TANC2: variants seen among roughly 807,000 people sequenced by gnomAD.
TANC2 encodes protein TANC2.
In TANC2, 26 loss-of-function variants were observed where a neutral mutation model predicts 210.5. That is an observed-to-expected ratio of 0.12 (90% CI 0.09 to 0.17). The LOEUF is 0.17. TANC2 is among the 10% of genes least tolerant of loss of function. The pLI is 1.00. For missense variants in TANC2, 2,129 were observed against 2,608.9 expected (o/e 0.82, Z 4.01); for synonymous variants, 931 against 967.1 (o/e 0.96, Z 0.69).
chr17:63,291,616 G>A (rs1193542838), intron 9 of TANC2, among the ~76,000 whole-genome samples: 1 of 152,160 alleles, frequency 6.6e-6, no homozygotes, highest in Non-Finnish European at 1.5e-5. Flanking sequence ...AAAGAAATGT[G>A]AGAGATGCAA....
At chr17:63,032,670 A>G (rs894222424) in intron 2 of TANC2, among the ~76,000 whole-genome samples, 5 of 152,188 alleles carry the variant, frequency 3.3e-5, no homozygotes, top group African/African-American at 7.2e-5. Flanking sequence ...AGTGCTTGCT[A>G]GAGCTACTGG....
At chr17:63,031,185 G>C (rs921643096) in intron 2 of TANC2, among the ~76,000 whole-genome samples, 2 of 152,098 alleles carry the variant, frequency 1.3e-5, no homozygotes, top group African/African-American at 2.4e-5. Flanking sequence ...TGGAATAGGA[G>C]TGGATGGGAG....
chr17:63,230,853 T>C (rs1165949641), intron 7 of TANC2, among the ~76,000 whole-genome samples: 3 of 152,194 alleles, frequency 2.0e-5, no homozygotes, highest in African/African-American at 4.8e-5. Flanking sequence ...CTGTCTAATA[T>C]TGACATTGGG....
chr17:63,090,440 C>G (rs907412190), intron 3 of TANC2, among the ~76,000 whole-genome samples: 1 of 151,992 alleles, frequency 6.6e-6, no homozygotes. Flanking sequence ...TCAGTTCCCA[C>G]CTATGAGTGA....
exon 4 of TANC2, chr17:63,099,357 G>A (rs928464359): frequency 6.6e-7 from 1 of 1,508,016 alleles, no homozygotes; most frequent in African/African-American, 1.4e-5. Flanking sequence ...GAAGTTAACT[G>A]GTAAGGACTT....
intron 4 of TANC2, among the ~76,000 whole-genome samples, chr17:63,126,805 T>A (rs2038727317): frequency 6.6e-6 from 1 of 152,202 alleles, no homozygotes; most frequent in Non-Finnish European, 1.5e-5. Context: ...CAACTGAGGC[T>A]AGAAGTAAGT....
At chr17:63,308,007 T>C (rs2044982368) in intron 9 of TANC2, among the ~76,000 whole-genome samples, 1 of 152,138 alleles carries the variant, frequency 6.6e-6, no homozygotes, top group Non-Finnish European at 1.5e-5. Context: ...CCTTGTGATC[T>C]GCCCGCCTCG....
At chr17:63,090,503 C>T (rs1018686575) in intron 3 of TANC2, among the ~76,000 whole-genome samples, 17 of 152,042 alleles carry the variant, frequency 1.1e-4, no homozygotes, top group Non-Finnish European at 1.6e-4. Context: ...TGATGGTTTC[C>T]GGCTTCATCC....
intron 11 of TANC2, among the ~76,000 whole-genome samples, chr17:63,328,731 G>A (rs2045739545): frequency 6.6e-6 from 1 of 151,006 alleles, no homozygotes; most frequent in Non-Finnish European, 1.5e-5. Flanking sequence ...TAAGTTTTAA[G>A]ATCTGTTACA....
chr17:63,112,273 A>G (rs72843189), intron 4 of TANC2, among the ~76,000 whole-genome samples: 6,921 of 152,278 alleles, frequency 0.045, 240 homozygotes, highest in Non-Finnish European at 0.073. Context: ...AAGTAGATGC[A>G]TAAGCAGACC....
chr17:63,214,117 T>TGTATTGGTCACAGCCTGGTGA (rs1336767027), intron 7 of TANC2, among the ~76,000 whole-genome samples: 3 of 152,212 alleles, frequency 2.0e-5, no homozygotes, highest in African/African-American at 7.2e-5. Context: ...ACTCCCTTCC[T>TGTATTGGTCACAGCCTGGTGA]GTATTGGTCA....
intron 2 of TANC2, among the ~76,000 whole-genome samples, chr17:63,030,067 A>T (rs2034707906): frequency 1.3e-5 from 2 of 152,160 alleles, no homozygotes; most frequent in Non-Finnish European, 2.9e-5. Context: ...GCTGCAAGTG[A>T]GCCACTGCAG....
At chr17:63,080,808 G>T (rs187142310) in intron 3 of TANC2, among the ~76,000 whole-genome samples, 26 of 152,144 alleles carry the variant, frequency 1.7e-4, no homozygotes, top group Non-Finnish European at 2.9e-4. Flanking sequence ...CTCAGTATAA[G>T]AATATATCTA....
At chr17:63,239,719 A>G (rs905707076) in intron 8 of TANC2, among the ~76,000 whole-genome samples, 2 of 152,304 alleles carry the variant, frequency 1.3e-5, no homozygotes, top group East Asian at 1.9e-4. Flanking sequence ...GTTTTAGTCT[A>G]TTCTTATACT....
intron 4 of TANC2, among the ~76,000 whole-genome samples, chr17:63,112,068 T>C (rs1183790286): frequency 6.6e-6 from 1 of 152,180 alleles, no homozygotes; most frequent in African/African-American, 2.4e-5. Flanking sequence ...ATATTCTCTT[T>C]TAAAATTATT....
chr17:63,050,488 T>C (rs1240943373), intron 2 of TANC2, among the ~76,000 whole-genome samples: 1 of 152,006 alleles, frequency 6.6e-6, no homozygotes, highest in Admixed American at 6.6e-5. Flanking sequence ...CATAAAACCA[T>C]GAGTCTATTT....
intron 1 of TANC2, among the ~76,000 whole-genome samples, chr17:62,997,578 G>T (rs2033177865): frequency 6.6e-6 from 1 of 152,100 alleles, no homozygotes; most frequent in African/African-American, 2.4e-5. Flanking sequence ...AGATTGTATG[G>T]ATTGACTGGA....
At chr17:63,074,506 A>G (rs2036507355) in intron 3 of TANC2, among the ~76,000 whole-genome samples, 1 of 152,176 alleles carries the variant, frequency 6.6e-6, no homozygotes, top group African/African-American at 2.4e-5. Flanking sequence ...ACAACTTCAA[A>G]ACTAGGTAAA....
Position 63,027,181 on chromosome 17 carries a change from ATTAAG to A in TANC2, c.67+17560_67+17564del, listed in dbSNP as rs966644242. Among the ~76,000 whole-genome samples, 13 of 152,284 alleles carry A rather than the reference ATTAAG, an allele frequency of 8.5e-5. 1 individual carries two copies. The highest frequency in any genetic ancestry group is 4.6e-4 in the Admixed American group (7 of 15,292). On this transcript the variant is annotated intron_variant, in intron 2 of 27. Transcript: ENST00000689528. ...ATTTTAACAACAATTTTTTTAAAGT[ATTAAG>A]TTAAACAATTTAAACTGGTTTAGTT...
Sources: allele counts gnomAD v4.1 joint callset (sites outside exome capture counted in the v4.1 genomes callset), GRCh38; gene constraint gnomAD v4.1.1; transcripts MANE v1.5; gene names NCBI Gene and HGNC (gene_info 2026-07-23, HGNC 2026-07-21).